RPS3: variants seen among roughly 807,000 people sequenced by gnomAD.
RPS3 encodes the protein ribosomal protein S3.
In RPS3, 2 loss-of-function variants were observed where a neutral mutation model predicts 25.8. The observed-to-expected ratio is 0.08, with a 90% CI of 0.03 to 0.24. RPS3 has a LOEUF of 0.24. Ranked by LOEUF, RPS3 falls within the 10% of genes least tolerant of loss-of-function variation. RPS3 has a pLI of 1.00. For synonymous variants in RPS3, 114 were observed against 114.2 expected (o/e 1.00, Z 0.01); for missense variants, 107 against 307.1 (o/e 0.35, Z 4.87).
Position 75,401,786 on chromosome 11 carries a change from T to A in RPS3, c.255+53T>A, listed in dbSNP as rs1948213513. ...TAATGGCTCTTCAGAATGATACTTC[T>A]AAAAACTCTCAACTTGGAGACTTTA... On this transcript the variant is annotated intron_variant, in intron 3 of 6. Transcript: ENST00000531188. The A allele has an allele frequency of 1.2e-5, 12 of 1,000,360 alleles. 1 individual carries two copies. The Middle Eastern group carries it at 6.2e-4, about 52-fold the overall frequency. The allele number at this position is 1,000,360 out of a possible 1,614,324, so 62.0% of individuals were successfully genotyped here.
chr11:75,402,890 AAATCTG>A (rs1369974015), intron 4 of RPS3: 2 of 154,830 alleles, frequency 1.3e-5, no homozygotes. Flanking sequence ...GCAATCATTC[AAATCTG>A]CTTAGTGTGT....
At chr11:75,409,785 C>T (rs1488056516), downstream of RPS3, among the ~76,000 whole-genome samples, 4 of 151,136 alleles carry the variant, frequency 2.6e-5, no homozygotes, top group Non-Finnish European at 5.9e-5. Flanking sequence ...CCCCTCACCT[C>T]CCGGATGGGG....
intron 2 of RPS3, 120 bp from the exon 3 acceptor site, chr11:75,401,520 G>A (rs1325899875): frequency 1.2e-5 from 9 of 725,814 alleles, no homozygotes; most frequent in Non-Finnish European, 1.9e-5. Flanking sequence ...AAAAATTTTA[G>A]TTTTTGTCAA....
chr11:75,418,390 A>G (rs1311951517), intron 6 of RPS3, among the ~76,000 whole-genome samples: 1 of 152,248 alleles, frequency 6.6e-6, no homozygotes, highest in African/African-American at 2.4e-5. Context: ...TATTTGGGTT[A>G]TCTTTTATTT....
intron 6 of RPS3, among the ~76,000 whole-genome samples, chr11:75,414,456 A>G (rs1262306858): frequency 6.6e-6 from 1 of 152,120 alleles, no homozygotes; most frequent in Non-Finnish European, 1.5e-5. Context: ...CTAAAAATAC[A>G]AAAAATTAGC....
At chr11:75,416,727 G>A (rs1448979718) in intron 6 of RPS3, among the ~76,000 whole-genome samples, 1 of 152,068 alleles carries the variant, frequency 6.6e-6, no homozygotes, top group Non-Finnish European at 1.5e-5. Flanking sequence ...CAAAGTGCTG[G>A]GATTACAGGC....
At chr11:75,411,328 A>G (rs1948354355), downstream of RPS3, among the ~76,000 whole-genome samples, 1 of 151,314 alleles carries the variant, frequency 6.6e-6, no homozygotes, top group South Asian at 2.1e-4. Context: ...TTGATTTTCA[A>G]AGTAATTGCC....
intron 6 of RPS3, among the ~76,000 whole-genome samples, chr11:75,419,569 GAAAGAAAA>G (rs1461994373): frequency 6.6e-6 from 1 of 151,376 alleles, no homozygotes; most frequent in Non-Finnish European, 1.5e-5. Context: ...AAAAAAAAAA[GAAAGAAAA>G]AAAGAAAATC....
At chr11:75,407,172 C>G (rs1948297724), downstream of RPS3, among the ~76,000 whole-genome samples, 1 of 152,142 alleles carries the variant, frequency 6.6e-6, no homozygotes, top group Admixed American at 6.5e-5. Flanking sequence ...GAGTTTTGCT[C>G]TTGTGTGCCA....
intron 6 of RPS3, among the ~76,000 whole-genome samples, chr11:75,420,555 A>G (rs964271309): frequency 1.3e-5 from 2 of 152,124 alleles, no homozygotes; most frequent in African/African-American, 4.8e-5. Flanking sequence ...CAATGACTTT[A>G]GTCACTTCAC....
chr11:75,410,546 GGGCGGCCA>G (rs1948345622), downstream of RPS3, among the ~76,000 whole-genome samples: 1 of 151,964 alleles, frequency 6.6e-6, no homozygotes, highest in African/African-American at 2.4e-5. Flanking sequence ...CCCAGACGAT[GGGCGGCCA>G]GGCAGAGACG....
In RPS3 at chr11:75,400,683, G is replaced by A. The variant is rs779096672; in HGVS notation, c.31-11G>A. The A allele has an allele frequency of 3.1e-6, 5 of 1,610,678 alleles. No homozygotes were observed. Among genetic ancestry groups the A allele is most frequent in the Non-Finnish European group, 3.4e-6 (4 of 1,177,668 alleles). ...ATCTCCTAATTTTGAACTTTGCTTT[G>A]TTTGGATTAGTTTGTCGCTGATGGC... On this transcript the variant is annotated splice_polypyrimidine_tract_variant and intron_variant, in intron 1 of 6. Transcript: ENST00000531188.
At chr11:75,410,169 A>AC (rs554488702), downstream of RPS3, among the ~76,000 whole-genome samples, 106 of 134,308 alleles carry the variant, frequency 7.9e-4, 1 homozygote, top group South Asian at 0.016. Flanking sequence ...CGGGGGGCTG[A>AC]CCCCCCCACC....
At chr11:75,410,741 C>T (rs552184251), downstream of RPS3, among the ~76,000 whole-genome samples, 8 of 152,278 alleles carry the variant, frequency 5.3e-5, no homozygotes, top group East Asian at 9.7e-4. Flanking sequence ...CCCGGCACCT[C>T]GGGAGGCCGA....
intron 4 of RPS3, 142 bp from the exon 5 acceptor site, chr11:75,403,878 G>A (rs1297435179): frequency 1.4e-6 from 1 of 704,322 alleles, no homozygotes; most frequent in Non-Finnish European, 2.4e-6. Context: ...AGGTGTGGAA[G>A]AGAATTGGTA....
At chr11:75,407,799 TAA>T (rs1948304017), downstream of RPS3, among the ~76,000 whole-genome samples, 1 of 152,218 alleles carries the variant, frequency 6.6e-6, no homozygotes, top group Non-Finnish European at 1.5e-5. Flanking sequence ...GGGAATAGGT[TAA>T]GACTGTACTG....
chr11:75,400,559 A>G, intron 1 of RPS3, 135 bp from the exon 2 acceptor site: 4 of 1,301,428 alleles, frequency 3.1e-6, no homozygotes, highest in Non-Finnish European at 4.4e-6. Flanking sequence ...TCCTGTTGGA[A>G]CAAGGGTTTG....
rs1335220072 is a variant in RPS3 at position 75,404,715 on chromosome 11, A to G, written c.582A>G (p.Pro194=). 1 of 1,613,324 alleles carries G rather than the reference A, an allele frequency of 6.2e-7. No individual in the cohort carries two copies. The highest frequency in any genetic ancestry group is 1.3e-5 in the African/African-American group (1 of 74,888). The stretch of plus-strand genomic sequence containing the variant: ...TGAAGATCATGCTGCCCTGGGACCC[A>G]ACTGGTAAGATTGGCCCTAAGAAGC... ...IKVKIMLPWD[P]TGKIGPKKPL... is the part of the protein sequence containing the mutation. Residue 194 remains proline (P), a synonymous_variant, in exon 6 of 7, where the codon CCA becomes CCG. Coordinates refer to ENST00000531188, the MANE Select transcript of RPS3 (RefSeq NM_001005.5). This position sits in a 1 kb window ranked among gnomAD's most constrained non-coding sequence, Gnocchi z 4.6.
At chr11:75,416,305 C>T (rs1592032695) in intron 6 of RPS3, among the ~76,000 whole-genome samples, 1 of 152,186 alleles carries the variant, frequency 6.6e-6, no homozygotes, top group Admixed American at 6.5e-5. Context: ...GGATTCTCCC[C>T]ATCCCAACTG....
Sources: gnomAD v4.1 joint callset for allele counts (sites outside exome capture counted in the v4.1 genomes callset) on GRCh38, gnomAD v4.1.1 for gene constraint, Gnocchi (gnomAD v3.1) non-coding constraint, MANE v1.5 for transcripts, NCBI Gene and HGNC (gene_info 2026-07-23, HGNC 2026-07-21) for gene names.